Variants in PFKP observed in about 807,000 individuals in gnomAD.
PFKP encodes the protein phosphofructokinase, platelet.
PFKP carries 101 observed loss-of-function variants against 94.3 expected under a neutral mutation model. The ratio of observed to expected loss-of-function variants is 1.07; its 90% CI spans 0.91 to 1.26. PFKP has a LOEUF of 1.26. PFKP is among the 50% of genes most tolerant of loss of function. PFKP has a pLI of 0.00. For synonymous variants in PFKP, 573 were observed against 432.6 expected (o/e 1.32, Z -4.03); for missense variants, 1,145 against 1,103.3 (o/e 1.04, Z -0.53).
chr10:3,120,713 G>A (rs1837319445), intron 16 of PFKP, among the ~76,000 whole-genome samples: 1 of 152,082 alleles, frequency 6.6e-6, no homozygotes. Context: ...AGGCTTGAGT[G>A]CGGTGGTGTG....
intron 16 of PFKP, 84 bp from the exon 17 acceptor site, chr10:3,129,732 TTGC>T (rs958508944): frequency 1.0e-4 from 146 of 1,435,924 alleles, no homozygotes; most frequent in Non-Finnish European, 1.3e-4. Flanking sequence ...TGGGGGGGCC[TTGC>T]TGCACTCACT....
At chr10:3,124,242 C>T (rs921645150) in intron 16 of PFKP, among the ~76,000 whole-genome samples, 2 of 152,196 alleles carry the variant, frequency 1.3e-5, no homozygotes, top group East Asian at 3.9e-4. Flanking sequence ...AAGACGGACA[C>T]GTCCAAGACC....
chr10:3,125,461 A>G (rs749501288), intron 16 of PFKP, among the ~76,000 whole-genome samples: 2 of 152,114 alleles, frequency 1.3e-5, no homozygotes, highest in Non-Finnish European at 2.9e-5. Flanking sequence ...GAGATGATAT[A>G]TCCAGTCCTT....
chr10:3,116,280 C>T (rs1053694175), intron 13 of PFKP, among the ~76,000 whole-genome samples: 20 of 152,276 alleles, frequency 1.3e-4, no homozygotes, highest in African/African-American at 3.1e-4. Context: ...ATCTCGTGAC[C>T]GGAAGCTGCG....
intron 15 of PFKP, among the ~76,000 whole-genome samples, chr10:3,119,528 C>G (rs1428566493): frequency 1.3e-5 from 2 of 152,156 alleles, no homozygotes; most frequent in African/African-American, 4.8e-5. Flanking sequence ...TCGCTTGAAC[C>G]CGGGAGGCGG....
At chr10:3,130,318 G>C (rs763520872) in intron 17 of PFKP, among the ~76,000 whole-genome samples, 1 of 152,228 alleles carries the variant, frequency 6.6e-6, no homozygotes, top group Admixed American at 6.5e-5. Flanking sequence ...TCTGCGACAG[G>C]CTCTGAAGGT....
chr10:3,103,905 T>A lies in PFKP; in HGVS notation c.581T>A (p.Ile194Asn). Residue 194 changes from isoleucine (I) to asparagine (N), a missense_variant, in exon 5 of 22, where the codon ATC becomes AAC. Transcript: ENST00000381125. The part of the protein sequence containing the change: ...TIGTDSALHR[I>N]IEVVDAIMTT... ...GGCACGGACTCCGCCCTGCACAGGA[T>A]CATCGAGGTCGTCGACGCCATCATG... 6.2e-7 allele frequency: 1 copy of A among 1,613,778 alleles called. No individual in the cohort carries two copies. Among genetic ancestry groups the A allele is most frequent in the Non-Finnish European group, 8.5e-7 (1 of 1,180,018 alleles).
rs1564274728 is a variant in PFKP at position 3,084,775 on chromosome 10, C to CCCCTCCCCAGGAGAGTCCTCCAG, written c.186+2317_186+2318insTCCCCAGGAGAGTCCTCCAGCCC. On this transcript the variant is annotated intron_variant, in intron 2 of 21. Coordinates refer to ENST00000381125, the MANE Select transcript of PFKP (RefSeq NM_002627.5). ...AGCCCCTCCCCAGGAGAGTCCTCCACCCCCTCCCCAGGAGAGTCCTCCATC... is the reference window on the plus strand; with the variant it reads ...AGCCCCTCCCCAGGAGAGTCCTCCACCCCTCCCCAGGAGAGTCCTCCAGCCCCTCCCCAGGAGAGTCCTCCATC... Among the ~76,000 whole-genome samples the CCCCTCCCCAGGAGAGTCCTCCAG allele has an allele frequency of 4.9e-3, 210 of 42,898 alleles. 7 individuals carry two copies. The highest frequency in any genetic ancestry group is 0.011 in the East Asian group (12 of 1,140). 28.1% of individuals were successfully genotyped at this position (42,898 alleles called of 152,430 possible).
intron 16 of PFKP, among the ~76,000 whole-genome samples, chr10:3,121,093 A>G (rs1317725011): frequency 6.6e-6 from 1 of 152,172 alleles, no homozygotes; most frequent in South Asian, 2.1e-4. Flanking sequence ...TACAGCTCAT[A>G]TGGTAAGTAA....
At chr10:3,122,626 G>A (rs7901589) in intron 16 of PFKP, among the ~76,000 whole-genome samples, 38,934 of 152,184 alleles carry the variant, frequency 0.26, 5,025 homozygotes, top group South Asian at 0.29. Flanking sequence ...TGAAGCCGCC[G>A]GAGGCTGAGG....
At chr10:3,105,220 C>T (rs2131560718) in intron 6 of PFKP, 61 bp downstream of exon 6, 6 of 1,487,072 alleles carry the variant, frequency 4.0e-6, no homozygotes, top group African/African-American at 2.8e-5. Context: ...AGCATCATCT[C>T]CCTGAGGCTG....
chr10:3,136,368 G>C, intron 21 of PFKP, 82 bp from the exon 22 acceptor site: 1 of 1,477,198 alleles, frequency 6.8e-7, no homozygotes, highest in East Asian at 2.3e-5. Context: ...TTTCTGGCAA[G>C]ACCGCTCGCT....
intron 2 of PFKP, among the ~76,000 whole-genome samples, chr10:3,091,107 C>T (rs544179018): frequency 5.9e-5 from 9 of 152,150 alleles, no homozygotes; most frequent in East Asian, 1.9e-4. Context: ...GCCAAGCCTA[C>T]GTGTGAAGCA....
At chr10:3,127,462 G>A (rs1305132298) in intron 16 of PFKP, among the ~76,000 whole-genome samples, 9 of 151,978 alleles carry the variant, frequency 5.9e-5, no homozygotes, top group African/African-American at 1.4e-4. Flanking sequence ...AGGGTGGGCT[G>A]CGGGGGAGAT....
chr10:3,105,604 C>T (rs1388623958), intron 7 of PFKP, 103 bp downstream of exon 7: 27 of 790,308 alleles, frequency 3.4e-5, no homozygotes, highest in Non-Finnish European at 5.6e-5. Context: ...AAAAATTTCT[C>T]TGTCTCCAGT....
intron 5 of PFKP, 147 bp from the exon 6 acceptor site, chr10:3,104,968 G>GC (rs1160421633): frequency 1.4e-6 from 1 of 737,396 alleles, no homozygotes; most frequent in African/African-American, 1.8e-5. Context: ...CATTTTTGAA[G>GC]CCTAGGTCCC....
At position 3,126,422 on chromosome 10, in the gene PFKP, C is replaced by T. The variant is rs1028105246; in HGVS notation, c.1684-3397C>T. The stretch of plus-strand genomic sequence containing the variant: ...GTGAATGCCATTAGGGTCCGGCCAT[C>T]GCTGGCTTCACTCTCCTTTAGCACC... On this transcript the variant is annotated intron_variant, in intron 16 of 21. Transcript: ENST00000381125. Among the ~76,000 whole-genome samples, 4 of 152,236 alleles carry T rather than the reference C, an allele frequency of 2.6e-5. No individual in the cohort carries two copies. The East Asian group carries it at 5.8e-4, about 22-fold the overall frequency.
rs542748170 is a variant in PFKP, at chr10:3,089,002, G to A, written c.186+6541G>A. Among the ~76,000 whole-genome samples the A allele has an allele frequency of 1.4e-4, 21 of 152,098 alleles. No individual in the cohort carries two copies. In the South Asian group the frequency reaches 2.7e-3, roughly 20 times the overall value. On this transcript the variant is annotated intron_variant, in intron 2 of 21. Transcript: ENST00000381125. ...GCTGGAGTGCAATGGCCCAGTCTTC[G>A]CTCACTGCAACCTCTGCCTCCCGGG...
chr10:3,126,674 A>G (rs2131683402), intron 16 of PFKP, among the ~76,000 whole-genome samples: 1 of 152,398 alleles, frequency 6.6e-6, no homozygotes, highest in African/African-American at 2.4e-5. Context: ...TGGTTCTCAC[A>G]GAGAAGTCAG....
Sources: allele counts gnomAD v4.1 joint callset (sites outside exome capture counted in the v4.1 genomes callset), GRCh38; gene constraint gnomAD v4.1.1; transcripts MANE v1.5; gene names NCBI Gene and HGNC (gene_info 2026-07-23, HGNC 2026-07-21).